CAST: variants seen among roughly 807,000 people sequenced by gnomAD.
CAST encodes the protein calpastatin.
A neutral mutation model predicts 119.6 loss-of-function variants in CAST; 76 were observed. The observed-to-expected ratio is 0.64, with a 90% CI of 0.53 to 0.77. The LOEUF (loss-of-function observed/expected upper bound fraction) is 0.77, where lower values mean the gene tolerates loss of function less well. Ranked by LOEUF, CAST falls within the 30% of genes least tolerant of loss-of-function variation. The pLI is 0.00. For synonymous variants in CAST, 319 were observed against 331.6 expected (o/e 0.96, Z 0.41); for missense variants, 953 against 946.5 (o/e 1.01, Z -0.09).
intron 11 of CAST, among the ~76,000 whole-genome samples, chr5:96,739,224 A>G (rs1239236665): frequency 6.6e-6 from 1 of 152,226 alleles, no homozygotes; most frequent in South Asian, 2.1e-4. Context: ...GTGGGTGTTC[A>G]TGATGAACAT....
the CAST span, among the ~76,000 whole-genome samples, chr5:96,323,234 A>G: frequency 2.3e-4 from 35 of 152,336 alleles, no homozygotes; most frequent in South Asian, 4.6e-3. Flanking sequence ...CTCTGTGTAC[A>G]TAACACATTT....
At chr5:96,626,056 T>C (rs926191167) in intron 1 of CAST, among the ~76,000 whole-genome samples, 1 of 152,192 alleles carries the variant, frequency 6.6e-6, no homozygotes, top group African/African-American at 2.4e-5. Context: ...TCTTCCCCTT[T>C]ATCCTCCACG....
the CAST span, among the ~76,000 whole-genome samples, chr5:96,060,747 A>T: frequency 3.0e-4 from 46 of 152,228 alleles, no homozygotes; most frequent in African/African-American, 1.1e-3. Context: ...TGGTAGTGGA[A>T]AAAGATACCA....
upstream of CAST, among the ~76,000 whole-genome samples, chr5:96,659,998 G>T (rs1748223224): frequency 6.6e-6 from 1 of 152,038 alleles, no homozygotes; most frequent in African/African-American, 2.4e-5. Context: ...TTCTGCTTAT[G>T]TGAGTTCTGA....
chr5:96,130,135 A>G, the CAST span, among the ~76,000 whole-genome samples: 5 of 151,762 alleles, frequency 3.3e-5, no homozygotes, highest in East Asian at 7.7e-4. Flanking sequence ...ATGGAGAAAC[A>G]TAACAAACAC....
chr5:96,312,909 T>G, the CAST span, among the ~76,000 whole-genome samples: 10 of 152,076 alleles, frequency 6.6e-5, no homozygotes, highest in African/African-American at 2.4e-4. Flanking sequence ...TCAAAGATGG[T>G]ACATAACTAG....
intron 1 of CAST, among the ~76,000 whole-genome samples, chr5:96,639,853 A>G (rs1368488779): frequency 6.6e-6 from 1 of 152,060 alleles, no homozygotes; most frequent in African/African-American, 2.4e-5. Context: ...ATTTATTTCT[A>G]CACCATCACA....
the CAST span, among the ~76,000 whole-genome samples, chr5:96,098,713 T>A: frequency 2.0e-5 from 3 of 152,226 alleles, no homozygotes; most frequent in Non-Finnish European, 4.4e-5. Flanking sequence ...CCATGCTTTT[T>A]TGGTTACTGT....
chr5:96,388,255 T>C, the CAST span, among the ~76,000 whole-genome samples: 1 of 152,242 alleles, frequency 6.6e-6, no homozygotes, highest in African/African-American at 2.4e-5. Context: ...GTAATGCTTA[T>C]AAAATATGTA....
At chr5:96,598,369 G>C (rs1747089941) in intron 1 of CAST, among the ~76,000 whole-genome samples, 1 of 152,276 alleles carries the variant, frequency 6.6e-6, no homozygotes, top group South Asian at 2.1e-4. Flanking sequence ...GTCAGCCTCA[G>C]ATATGACCAG....
At chr5:96,079,683 T>C in the CAST span, among the ~76,000 whole-genome samples, 3 of 152,200 alleles carry the variant, frequency 2.0e-5, no homozygotes, top group Non-Finnish European at 4.4e-5. Context: ...TCCACAAACA[T>C]TCTCTACGTA....
the CAST span, among the ~76,000 whole-genome samples, chr5:96,374,831 G>T: frequency 6.6e-6 from 1 of 152,086 alleles, no homozygotes; most frequent in African/African-American, 2.4e-5. Flanking sequence ...GAAAGGTTCC[G>T]GTTCTTCTGG....
rs26481 is a variant in CAST at position 96,767,648 on chromosome 5, C to T, written c.2175+166C>T. Reference sequence around the variant, plus strand: ...GACTATTGTTTACCTCTCTTTTAGTCTTCACAAAAGCCCTTTAGGGTGGAA... The same window carrying T: ...GACTATTGTTTACCTCTCTTTTAGTTTTCACAAAAGCCCTTTAGGGTGGAA... On this transcript the variant is annotated intron_variant, in intron 28 of 31. Coordinates refer to ENST00000675179, the MANE Select transcript of CAST (RefSeq NM_001750.7). 0.32 allele frequency among the ~76,000 whole-genome samples: 49,070 copies of T among 152,012 alleles called. 8,236 individuals carry two copies. The highest frequency in any genetic ancestry group is 0.38 in the Non-Finnish European group (25,702 of 67,978).
chr5:96,736,801 AATAG>A (rs547217829), intron 10 of CAST, among the ~76,000 whole-genome samples: 88 of 152,314 alleles, frequency 5.8e-4, no homozygotes, highest in African/African-American at 2.1e-3. Context: ...CAACATAAAA[AATAG>A]ATAGAAGCAC....
the CAST span, among the ~76,000 whole-genome samples, chr5:96,217,618 G>A: frequency 2.0e-5 from 3 of 152,240 alleles, no homozygotes; most frequent in South Asian, 6.2e-4. Context: ...ACCACACTTT[G>A]AGAACAGCTA....
chr5:95,974,256 T>C, the CAST span, among the ~76,000 whole-genome samples: 1 of 152,198 alleles, frequency 6.6e-6, no homozygotes, highest in Non-Finnish European at 1.5e-5. Flanking sequence ...TTAAGATTTC[T>C]GCCTTTTGAC....
the CAST span, among the ~76,000 whole-genome samples, chr5:96,030,722 A>G: frequency 7.2e-5 from 11 of 152,274 alleles, no homozygotes; most frequent in African/African-American, 2.4e-4. Context: ...GCTAGATGCT[A>G]TTACCTGGCC....
At chr5:96,688,760 TA>T (rs1198811275) in intron 2 of CAST, among the ~76,000 whole-genome samples, 2 of 152,242 alleles carry the variant, frequency 1.3e-5, no homozygotes, top group African/African-American at 4.8e-5. Flanking sequence ...CTACTTTTTT[TA>T]ATCTTAAGTG....
chr5:96,227,281 A>AT, the CAST span, among the ~76,000 whole-genome samples: 52 of 152,296 alleles, frequency 3.4e-4, no homozygotes, highest in South Asian at 9.9e-3. Flanking sequence ...AATTCTTTGG[A>AT]TTTTTTTAAA....
Sources: gnomAD v4.1 joint callset for allele counts (sites outside exome capture counted in the v4.1 genomes callset) on GRCh38, gnomAD v4.1.1 for gene constraint, MANE v1.5 for transcripts, NCBI Gene and HGNC (gene_info 2026-07-23, HGNC 2026-07-21) for gene names.